PLD5: variants seen among roughly 807,000 people sequenced by gnomAD.
The protein encoded by PLD5 is inactive phospholipase D5.
In PLD5, 36 loss-of-function variants were observed where a neutral mutation model predicts 61.1. That is an observed-to-expected ratio of 0.59 (90% CI 0.45 to 0.78). PLD5 has a LOEUF of 0.78. Ranked by LOEUF, PLD5 falls within the 30% of genes least tolerant of loss-of-function variation. The probability of loss-of-function intolerance (pLI) is 0.00; values close to 1 mark genes in which losing one functional copy is unlikely to be tolerated. For synonymous variants in PLD5, 243 were observed against 242.8 expected (o/e 1.00, Z -0.01); for missense variants, 515 against 644.4 (o/e 0.80, Z 2.17).
At chr1:242,347,152 T>C (rs1268380205) in intron 2 of PLD5, among the ~76,000 whole-genome samples, 1 of 152,212 alleles carries the variant, frequency 6.6e-6, no homozygotes, top group African/African-American at 2.4e-5. Flanking sequence ...AAATGCCAAT[T>C]GTCTTTTCAG....
Position 242,287,677 on chromosome 1 carries a change from G to A in PLD5, c.495+685C>T, listed in dbSNP as rs567281977. 5.3e-5 allele frequency among the ~76,000 whole-genome samples: 8 copies of A among 152,176 alleles called. No individual in the cohort carries two copies. The South Asian group carries it at 1.2e-3, about 24-fold the overall frequency. ...AGGCCAATGGCTATATATTTAGATA[G>A]GGTAGCTTAATGTAAACTATCATGG... On this transcript the variant is annotated intron_variant, in intron 3 of 9. Coordinates refer to ENST00000536534, the MANE Select transcript of PLD5 (RefSeq NM_001372062.1).
At chr1:242,318,654 T>C (rs1291974483) in intron 2 of PLD5, among the ~76,000 whole-genome samples, 1 of 145,774 alleles carries the variant, frequency 6.9e-6, no homozygotes, top group Non-Finnish European at 1.5e-5. Context: ...GCTTTTGATT[T>C]TTTAATTTTT....
At chr1:242,515,763 G>C (rs1290848669) in intron 1 of PLD5, among the ~76,000 whole-genome samples, 1 of 152,200 alleles carries the variant, frequency 6.6e-6, no homozygotes, top group Non-Finnish European at 1.5e-5. Flanking sequence ...GTAAGCATTT[G>C]TGTATATGTC....
intron 1 of PLD5, among the ~76,000 whole-genome samples, chr1:242,348,865 T>C (rs534162878): frequency 3.1e-4 from 47 of 152,218 alleles, no homozygotes; most frequent in Middle Eastern, 3.4e-3. Context: ...CCGTCCTGGC[T>C]AACACGGTGA....
At chr1:242,157,927 C>A (rs181632453) in intron 5 of PLD5, among the ~76,000 whole-genome samples, 1 of 152,210 alleles carries the variant, frequency 6.6e-6, no homozygotes, top group African/African-American at 2.4e-5. Flanking sequence ...CTGTCCCTTC[C>A]CCCAGGTGCC....
chr1:242,153,913 C>T (rs1406493018), intron 5 of PLD5, among the ~76,000 whole-genome samples: 1 of 152,118 alleles, frequency 6.6e-6, no homozygotes. Context: ...ATGGGGATAG[C>T]ATTGAATCTA....
chr1:242,195,187 A>G (rs1416244366), intron 5 of PLD5, among the ~76,000 whole-genome samples: 1 of 152,224 alleles, frequency 6.6e-6, no homozygotes, highest in African/African-American at 2.4e-5. Flanking sequence ...TTTAGGCAGA[A>G]GCGAGCCGCC....
chr1:242,337,042 G>A (rs566761617), intron 2 of PLD5, among the ~76,000 whole-genome samples: 165 of 151,894 alleles, frequency 1.1e-3, no homozygotes, highest in African/African-American at 3.5e-3. Context: ...GTAGGTAGAC[G>A]AGCTGAGATG....
At chr1:242,390,037 T>C (rs1295683495) in intron 1 of PLD5, among the ~76,000 whole-genome samples, 3 of 111,356 alleles carry the variant, frequency 2.7e-5, no homozygotes, top group Admixed American at 2.5e-4. Flanking sequence ...ATTATTATTA[T>C]TGAGATGAAG....
intron 5 of PLD5, among the ~76,000 whole-genome samples, chr1:242,132,805 C>G (rs986109618): frequency 2.6e-5 from 4 of 152,114 alleles, no homozygotes; most frequent in African/African-American, 4.8e-5. Context: ...AGGAACATGA[C>G]TAATTGAAGA....
At chr1:242,174,909 G>A (rs1254728051) in intron 5 of PLD5, among the ~76,000 whole-genome samples, 2 of 152,134 alleles carry the variant, frequency 1.3e-5, no homozygotes, top group African/African-American at 4.8e-5. Context: ...TGAGGTGGGG[G>A]GAGGGATAGC....
In PLD5 at chr1:242,138,635, A is replaced by G. The variant is rs1171743026; in HGVS notation, c.736-13970T>C. ...GTAAACATATCAGCAACAGTTAACA[A>G]ATATGATCCAGCATGCAAATTATAA... is the stretch of plus-strand genomic sequence containing the variant. On this transcript the variant is annotated intron_variant, in intron 5 of 9. Transcript: ENST00000536534. 2.0e-5 allele frequency among the ~76,000 whole-genome samples: 3 copies of G among 152,240 alleles called. No individual in the cohort carries two copies. The East Asian group carries it at 5.8e-4, about 29-fold the overall frequency.
chr1:242,393,578 A>G lies in PLD5; in HGVS notation c.190-45336T>C, dbSNP rs1037524613. Among the ~76,000 whole-genome samples, 11 of 94,698 alleles carry G rather than the reference A, an allele frequency of 1.2e-4. 3 individuals carry two copies. Among genetic ancestry groups the G allele is most frequent in the Non-Finnish European group, 1.2e-4 (6 of 50,454 alleles). 62.1% of individuals were successfully genotyped at this position (94,698 alleles called of 152,430 possible). On this transcript the variant is annotated intron_variant, in intron 1 of 9. Transcript: ENST00000536534. ...TATATGAGTATATATGTGTATATAT[A>G]TGAGTATACATATGTGTATATATAT...
chr1:242,112,302 T>G (rs202116844), intron 7 of PLD5, among the ~76,000 whole-genome samples: 5 of 101,380 alleles, frequency 4.9e-5, no homozygotes, highest in South Asian at 3.7e-4. Flanking sequence ...TGTGTGTGTG[T>G]GTGTGTGTGT....
chr1:242,168,845 A>ATTTTTTTTTTTTTTTTTT (rs1574439363), intron 5 of PLD5, among the ~76,000 whole-genome samples: 9 of 29,232 alleles, frequency 3.1e-4, no homozygotes, highest in Admixed American at 6.3e-4. Context: ...TAATTAATGA[A>ATTTTTTTTTTTTTTTTTT]GTTTTTTTTT....
chr1:242,256,328 T>C lies in PLD5; in HGVS notation c.607+9009A>G, dbSNP rs1171290231. ...ATAGGGAAATCTAGAAATTTAATTT[T>C]AAAATCTCATGGGGAGAAAAATCTG... On this transcript the variant is annotated intron_variant, in intron 4 of 9. Coordinates refer to ENST00000536534, the MANE Select transcript of PLD5 (RefSeq NM_001372062.1). This position sits in a 1 kb window ranked among gnomAD's most constrained non-coding sequence, Gnocchi z 5.7. Among the ~76,000 whole-genome samples, 2 of 152,256 alleles carry C rather than the reference T, an allele frequency of 1.3e-5. No homozygotes were observed. The highest frequency in any genetic ancestry group is 4.8e-5 in the African/African-American group (2 of 41,458).
intron 5 of PLD5, among the ~76,000 whole-genome samples, chr1:242,163,527 G>C (rs1265095780): frequency 6.6e-6 from 1 of 152,182 alleles, no homozygotes; most frequent in African/African-American, 2.4e-5. Context: ...CAAAGAACAA[G>C]AGAGGGACGG....
chr1:242,199,492 T>A (rs901005595), intron 5 of PLD5, among the ~76,000 whole-genome samples: 1 of 152,152 alleles, frequency 6.6e-6, no homozygotes, highest in African/African-American at 2.4e-5. Context: ...TGGCCTCAAG[T>A]GATCTGCCTG....
intron 1 of PLD5, among the ~76,000 whole-genome samples, chr1:242,407,556 GTT>G (rs1327277999): frequency 1.9e-5 from 2 of 105,514 alleles, no homozygotes; most frequent in African/African-American, 9.5e-5. Flanking sequence ...TGTTGTGGTT[GTT>G]TTGTTTTTTT....
Sources: allele counts gnomAD v4.1 joint callset (sites outside exome capture counted in the v4.1 genomes callset), GRCh38; gene constraint gnomAD v4.1.1; non-coding constraint Gnocchi (gnomAD v3.1); transcripts MANE v1.5; gene names NCBI Gene and HGNC (gene_info 2026-07-23, HGNC 2026-07-21).